PTPMT1: variants seen among roughly 807,000 people sequenced by gnomAD.
PTPMT1 encodes the protein phosphatidylglycerophosphatase and protein-tyrosine phosphatase 1.
In PTPMT1, 12 loss-of-function variants were observed where a neutral mutation model predicts 17.8. That is an observed-to-expected ratio of 0.67 (90% CI 0.43 to 1.09). The LOEUF is 1.09. PTPMT1 is among the 50% of genes least tolerant of loss of function. The pLI, the probability that PTPMT1 is intolerant of heterozygous loss-of-function variation, is 0.00. For missense variants in PTPMT1, 262 were observed against 266.0 expected, an observed-to-expected ratio of 0.99 and a Z score of 0.10; for synonymous variants, 132 against 116.8, an observed-to-expected ratio of 1.13 and a Z score of -0.84.
At chr11:47,567,385 G>A (rs1312425561) in intron 2 of PTPMT1, among the ~76,000 whole-genome samples, 3 of 150,438 alleles carry the variant, frequency 2.0e-5, no homozygotes, top group East Asian at 2.0e-4. Context: ...CAGCCTGGGC[G>A]ACAGAGTGAG....
At chr11:47,571,090 A>G (rs1315941067) in intron 3 of PTPMT1, among the ~76,000 whole-genome samples, 2 of 152,224 alleles carry the variant, frequency 1.3e-5, no homozygotes. Flanking sequence ...GCATAAAAAC[A>G]TCTATTGCAT....
chr11:47,572,797 T>G lies in PTPMT1; in HGVS notation c.*1168T>G. ...CCCCAAACAGAACACCTCCATGGAT[T>G]CAGGGAAGGGCTGAGGCACTGCCTT... On this transcript the variant is annotated 3_prime_UTR_variant, in exon 4 of 4. Transcript: ENST00000326674. The G allele has an allele frequency of 1.1e-6, 1 of 931,246 alleles. No individual in the cohort carries two copies. Among genetic ancestry groups the G allele is most frequent in the Non-Finnish European group, 1.6e-6 (1 of 628,146 alleles). 57.7% of individuals were successfully genotyped at this position (931,246 alleles called of 1,614,324 possible).
Position 47,565,936 on chromosome 11 carries a change from A to G in PTPMT1, c.205A>G (p.Ile69Val). Residue 69 changes from isoleucine to valine, a missense_variant, in exon 2 of 4, where the codon ATC becomes GTC. Transcript: ENST00000326674. ...LVQDENVRGV[I>V]TMNEEYETRF... ...ACAGGACGAGAACGTGCGCGGGGTGATCACCATGAACGAGGAGTACGAGAC... is the reference window on the plus strand; with the variant it reads ...ACAGGACGAGAACGTGCGCGGGGTGGTCACCATGAACGAGGAGTACGAGAC... 4.3e-6 allele frequency: 7 copies of G among 1,609,996 alleles called. No homozygotes were observed. The highest frequency in any genetic ancestry group is 5.9e-6 in the Non-Finnish European group (7 of 1,178,492).
chr11:47,570,958 C>A (rs1251301518), intron 3 of PTPMT1, among the ~76,000 whole-genome samples: 1 of 152,158 alleles, frequency 6.6e-6, no homozygotes, highest in Non-Finnish European at 1.5e-5. Context: ...ATTGAACTAG[C>A]AAGTTAGAAA....
rs752492316 is a variant in PTPMT1, at chr11:47,573,345, T to C, written c.*1716T>C. 1.9e-6 allele frequency: 3 copies of C among 1,614,148 alleles called. No homozygotes were observed. Among genetic ancestry groups the C allele is most frequent in the Non-Finnish European group, 2.5e-6 (3 of 1,180,032 alleles). On this transcript the variant is annotated 3_prime_UTR_variant, in exon 4 of 4. Transcript: ENST00000326674. The surrounding 1 kb of genome is among the most constrained non-coding windows in gnomAD (Gnocchi z 4.1). The stretch of plus-strand genomic sequence containing the variant: ...ATCATTCTCCTCCCCCCCTAGTAAG[T>C]AGATGATCCCGTTGAGGTTGGCACC...
rs1320867175 is a variant in PTPMT1, at chr11:47,573,023, G to A, written c.*1394G>A. The A allele has an allele frequency of 6.2e-7, 1 of 1,614,144 alleles. No individual in the cohort carries two copies. On this transcript the variant is annotated 3_prime_UTR_variant, in exon 4 of 4. Transcript: ENST00000326674. The surrounding 1 kb of genome is among the most constrained non-coding windows in gnomAD (Gnocchi z 4.1). Reference sequence around the variant, plus strand: ...TGGCAGGGTCAAGCTTGTAGGTGTTGGCATCCCCCTTTTTATATCGGTCCC... The same window carrying A: ...TGGCAGGGTCAAGCTTGTAGGTGTTAGCATCCCCCTTTTTATATCGGTCCC...
Position 47,569,687 on chromosome 11 carries a change from G to T in PTPMT1, c.256-13G>T. ...TTTCATTCTCTTTTTCATACTGGTGGACCTGGTTCCAGGAGTGGAAGAGAC... is the reference window on the plus strand; with the variant it reads ...TTTCATTCTCTTTTTCATACTGGTGTACCTGGTTCCAGGAGTGGAAGAGAC... On this transcript the variant is annotated splice_polypyrimidine_tract_variant and intron_variant, in intron 2 of 3. Transcript: ENST00000326674. The T allele has an allele frequency of 6.3e-7, 1 of 1,589,686 alleles. No individual in the cohort carries two copies. The highest frequency in any genetic ancestry group is 1.1e-5 in the South Asian group (1 of 88,384).
Position 47,565,746 on chromosome 11 carries a change from G to A in PTPMT1, c.124G>A (p.Asp42Asn), listed in dbSNP as rs1427686002. Residue 42 changes from aspartate to asparagine, a missense_variant, in exon 1 of 4, where the codon GAC becomes AAC. By Grantham distance (23) the Asp-to-Asn change is conservative. Transcript: ENST00000326674. ...RAHRDWYHRI[D>N]PTVLLGALPL... ...GCACCGGGACTGGTACCACCGCATCGACCCCACCGTGCTGCTGGGCGCGCT... is the reference window on the plus strand; with the variant it reads ...GCACCGGGACTGGTACCACCGCATCAACCCCACCGTGCTGCTGGGCGCGCT... 2 of 1,593,232 alleles carry A rather than the reference G, an allele frequency of 1.3e-6. No individual in the cohort carries two copies. Among genetic ancestry groups the A allele is most frequent in the African/African-American group, 1.4e-5 (1 of 74,064 alleles).
intron 2 of PTPMT1, among the ~76,000 whole-genome samples, chr11:47,567,679 C>G (rs2097246989): frequency 6.6e-6 from 1 of 150,786 alleles, no homozygotes; most frequent in African/African-American, 2.4e-5. Flanking sequence ...CCTGCCTCAG[C>G]CTCCCAAGTA....
At chr11:47,566,833 T>C (rs1276377127) in intron 2 of PTPMT1, among the ~76,000 whole-genome samples, 2 of 152,182 alleles carry the variant, frequency 1.3e-5, no homozygotes, top group Non-Finnish European at 1.5e-5. Flanking sequence ...TTAGAAATCA[T>C]GGTGGAACTC....
chr11:47,569,598 T>C, intron 2 of PTPMT1, 102 bp from the exon 3 acceptor site: 1 of 883,842 alleles, frequency 1.1e-6, no homozygotes, highest in Non-Finnish European at 1.7e-6. Flanking sequence ...TAGTAAACCC[T>C]GAAACTTCCT....
At position 47,572,902 on chromosome 11, in the gene PTPMT1, G is replaced by T; in HGVS notation, c.*1273G>T. 1 of 1,591,768 alleles carries T rather than the reference G, an allele frequency of 6.3e-7. No individual in the cohort carries two copies. On this transcript the variant is annotated 3_prime_UTR_variant, in exon 4 of 4. Transcript: ENST00000326674. ...GTTTGTATGGGGAGGGAAAAGGAGTGAGCAGTTCTCCTCCCCTCCCCACAG... is the reference window on the plus strand; with the variant it reads ...GTTTGTATGGGGAGGGAAAAGGAGTTAGCAGTTCTCCTCCCCTCCCCACAG...
chr11:47,571,357 TAG>T (rs1388866813), intron 3 of PTPMT1, 112 bp from the exon 4 acceptor site: 9 of 870,402 alleles, frequency 1.0e-5, no homozygotes, highest in African/African-American at 1.7e-5. Flanking sequence ...GCCTGCAAAA[TAG>T]AGTTTCCAAA....
rs1565930618 is a variant in PTPMT1, at chr11:47,573,390, A to G, written c.*1761A>G. On this transcript the variant is annotated 3_prime_UTR_variant, in exon 4 of 4. Coordinates refer to ENST00000326674, the MANE Select transcript of PTPMT1 (RefSeq NM_175732.3). This position sits in a 1 kb window ranked among gnomAD's most constrained non-coding sequence, Gnocchi z 4.1. ...GGCACCAGCAGCCCCTGACACAGCC[A>G]CCTCTAGCTGAGTTGTCTCTGTCCA... 1 of 1,614,054 alleles carries G rather than the reference A, an allele frequency of 6.2e-7. No individual in the cohort carries two copies. Among genetic ancestry groups the G allele is most frequent in the Non-Finnish European group, 8.5e-7 (1 of 1,180,040 alleles).
rs1231662594 is a variant in PTPMT1, at chr11:47,571,523, C to T, written c.500C>T (p.Ser167Leu). The T allele has an allele frequency of 6.2e-7, 1 of 1,614,014 alleles. No individual in the cohort carries two copies. Among genetic ancestry groups the T allele is most frequent in the Admixed American group, 1.7e-5 (1 of 59,986 alleles). ...GTAAGAGCCATCGCCAAGATCCGGTCATACATCCACATCAGGCCTGGCCAG... is the reference window on the plus strand; with the variant it reads ...GTAAGAGCCATCGCCAAGATCCGGTTATACATCCACATCAGGCCTGGCCAG... ...EAVRAIAKIR[S>L]YIHIRPGQLD... The change falls in exon 4 of 4, where the codon TCA becomes TTA. Residue 167 changes from serine (S) to leucine (L), a missense_variant. Ser to Leu is a moderately radical substitution (Grantham distance 145, BLOSUM62 -2). Transcript: ENST00000326674.
At chr11:47,570,105 CG>C (rs1211051306) in intron 3 of PTPMT1, among the ~76,000 whole-genome samples, 2 of 150,658 alleles carry the variant, frequency 1.3e-5, no homozygotes, top group Admixed American at 6.7e-5. Context: ...GATGGATCAC[CG>C]GAGCCCAGTA....
chr11:47,565,658 G>A lies in PTPMT1; in HGVS notation c.36G>A (p.Ala12=). The change falls in exon 1 of 4, where the codon GCG becomes GCA. Residue 12 remains alanine, a synonymous_variant. Transcript: ENST00000326674. ...CCGCGCTGCTGGAGGCCGGCCTGGC[G>A]CGGGTGCTCTTCTACCCGACGCTGC... is the stretch of plus-strand genomic sequence containing the variant. ...AATALLEAGL[A]RVLFYPTLLY... The A allele has an allele frequency of 7.2e-7, 1 of 1,381,872 alleles. No individual in the cohort carries two copies. The highest frequency in any genetic ancestry group is 9.4e-7 in the Non-Finnish European group (1 of 1,068,778). 85.6% of individuals were successfully genotyped at this position (1,381,872 alleles called of 1,614,324 possible). A position where few individuals can be genotyped will look rare whatever the true frequency, so the allele number is the denominator to read the frequency against.
intron 2 of PTPMT1, 36 bp from the exon 3 acceptor site, chr11:47,569,664 T>G: frequency 6.5e-7 from 1 of 1,543,018 alleles, no homozygotes; most frequent in Non-Finnish European, 8.7e-7. Flanking sequence ...TAGTTTTTTT[T>G]CATTCTCTTT....
Position 47,565,798 on chromosome 11 carries a change from T to G in PTPMT1, c.174+2T>G. On this transcript the variant is annotated splice_donor_variant, in intron 1 of 3. Transcript: ENST00000326674. LOFTEE classifies it high-confidence loss of function. ...CCGTTGCGGAGCTTGACGCGCCAGG[T>G]GAGCCGGGCCGGGGAGCCCGGGCCC... 1 of 1,588,244 alleles carries G rather than the reference T, an allele frequency of 6.3e-7. No homozygotes were observed. Among genetic ancestry groups the G allele is most frequent in the East Asian group, 2.3e-5 (1 of 43,174 alleles).
Sources: allele counts gnomAD v4.1 joint callset (sites outside exome capture counted in the v4.1 genomes callset), GRCh38; gene constraint gnomAD v4.1.1; non-coding constraint Gnocchi (gnomAD v3.1); transcripts MANE v1.5; gene names NCBI Gene and HGNC (gene_info 2026-07-23, HGNC 2026-07-21).